Variants in PCTP observed in about 807,000 individuals in gnomAD.
The protein encoded by PCTP is phosphatidylcholine transfer protein.
Under a neutral mutation model 31.0 loss-of-function variants are expected in PCTP, and 27 were observed. The ratio of observed to expected loss-of-function variants is 0.87; its 90% CI spans 0.64 to 1.20. The LOEUF is 1.20. Among genes scored for constraint, PCTP ranks in the 50% most tolerant of loss-of-function variants. PCTP has a pLI of 0.00. For missense variants in PCTP, 287 were observed against 268.2 expected, an observed-to-expected ratio of 1.07 and a Z score of -0.49; for synonymous variants, 108 against 101.2, an observed-to-expected ratio of 1.07 and a Z score of -0.40.
At chr17:55,806,889 A>T (rs1050577618) in intron 3 of PCTP, among the ~76,000 whole-genome samples, 1 of 152,188 alleles carries the variant, frequency 6.6e-6, no homozygotes, top group Non-Finnish European at 1.5e-5. Context: ...TTCTCAATTG[A>T]GACCTGAGAA....
chr17:55,788,762 C>T (rs2145000464), intron 3 of PCTP, among the ~76,000 whole-genome samples: 1 of 152,296 alleles, frequency 6.6e-6, no homozygotes, highest in Middle Eastern at 3.4e-3. Context: ...TGAAATTTTT[C>T]ATGCTAAAAT....
intron 3 of PCTP, among the ~76,000 whole-genome samples, chr17:55,813,930 T>C (rs1382999183): frequency 6.6e-6 from 1 of 151,946 alleles, no homozygotes; most frequent in Non-Finnish European, 1.5e-5. Context: ...TGGTTCCAGC[T>C]ACTCAAGTGG....
chr17:55,839,119 T>A (rs1369577515), intron 5 of PCTP, among the ~76,000 whole-genome samples: 2 of 152,260 alleles, frequency 1.3e-5, no homozygotes, highest in South Asian at 4.1e-4. Flanking sequence ...TATTATCATA[T>A]GTCATTTTAA....
downstream of PCTP, among the ~76,000 whole-genome samples, chr17:55,823,743 G>A (rs1365918526): frequency 6.6e-6 from 1 of 152,214 alleles, no homozygotes; most frequent in Non-Finnish European, 1.5e-5. Flanking sequence ...TGTGGCAACT[G>A]TTTTGGACAT....
downstream of PCTP, among the ~76,000 whole-genome samples, chr17:55,844,985 G>A (rs1384778914): frequency 6.7e-6 from 1 of 149,796 alleles, no homozygotes; most frequent in Non-Finnish European, 1.5e-5. Flanking sequence ...TACTCGGGAG[G>A]CTGAGGCAGG....
intron 5 of PCTP, among the ~76,000 whole-genome samples, chr17:55,841,139 G>T (rs1037565709): frequency 3.9e-5 from 6 of 152,220 alleles, no homozygotes; most frequent in African/African-American, 1.4e-4. Context: ...GACACAGAAA[G>T]ACTTGAAATC....
chr17:55,827,886 G>A (rs1355698317), downstream of PCTP, among the ~76,000 whole-genome samples: 2 of 152,174 alleles, frequency 1.3e-5, no homozygotes, highest in African/African-American at 4.8e-5. Flanking sequence ...CCTCCCTGAC[G>A]AGAAGCTTAT....
intron 3 of PCTP, among the ~76,000 whole-genome samples, chr17:55,773,276 G>C (rs950914794): frequency 6.6e-6 from 1 of 152,132 alleles, no homozygotes; most frequent in African/African-American, 2.4e-5. Context: ...ATTGTCTGTC[G>C]AGTGCTTACT....
chr17:55,827,026 G>A (rs1269493700), downstream of PCTP, among the ~76,000 whole-genome samples: 2 of 133,590 alleles, frequency 1.5e-5, no homozygotes, highest in Admixed American at 7.5e-5. Context: ...GATACCTACT[G>A]TGGTAAACAG....
intron 3 of PCTP, among the ~76,000 whole-genome samples, chr17:55,807,100 A>G (rs1367057198): frequency 6.6e-6 from 1 of 152,210 alleles, no homozygotes; most frequent in African/African-American, 2.4e-5. Flanking sequence ...TCTGATTTCC[A>G]GAATTCTCCT....
chr17:55,847,775 AGCCTTTTTGTTCTGTTCAG>A (rs1238023553), downstream of PCTP, among the ~76,000 whole-genome samples: 1 of 152,216 alleles, frequency 6.6e-6, no homozygotes, highest in Non-Finnish European at 1.5e-5. Context: ...AGGGGGGGTC[AGCCTTTTTGTTCTGTTCAG>A]GTCTTCACCT....
At chr17:55,841,084 T>G (rs1486659408) in intron 5 of PCTP, among the ~76,000 whole-genome samples, 8 of 152,218 alleles carry the variant, frequency 5.3e-5, no homozygotes, top group Non-Finnish European at 1.0e-4. Context: ...CGTATGTGTA[T>G]GTGTGTTTGC....
intron 1 of PCTP, among the ~76,000 whole-genome samples, chr17:55,765,294 T>A (rs1266838636): frequency 6.6e-6 from 1 of 152,208 alleles, no homozygotes; most frequent in Non-Finnish European, 1.5e-5. Context: ...CTTACTTGGA[T>A]GCTTAATAAA....
intron 2 of PCTP, 158 bp from the exon 3 acceptor site, chr17:55,770,948 G>A (rs980288542): frequency 1.0e-5 from 6 of 587,852 alleles, no homozygotes; most frequent in African/African-American, 9.4e-5. Flanking sequence ...TCCCAGGCTG[G>A]TCTTGAACTC....
At chr17:55,772,817 T>G (rs2960064) in intron 3 of PCTP, among the ~76,000 whole-genome samples, 124,173 of 152,050 alleles carry the variant, frequency 0.82, 54,405 homozygotes, top group Non-Finnish European at 0.97. Context: ...TAAAAATTCA[T>G]GTTTCATCAC....
downstream of PCTP, among the ~76,000 whole-genome samples, chr17:55,843,982 G>A (rs1418229622): frequency 6.6e-6 from 1 of 152,098 alleles, no homozygotes; most frequent in East Asian, 1.9e-4. Context: ...AATTTTCCAA[G>A]GTCAGCAGTT....
chr17:55,844,731 C>T (rs149761991), downstream of PCTP, among the ~76,000 whole-genome samples: 170 of 152,176 alleles, frequency 1.1e-3, no homozygotes, highest in African/African-American at 3.8e-3. Context: ...AAGTCTCTGT[C>T]CTTGTCCTCT....
downstream of PCTP, among the ~76,000 whole-genome samples, chr17:55,826,399 C>A (rs1248268975): frequency 6.6e-6 from 1 of 151,898 alleles, no homozygotes; most frequent in East Asian, 1.9e-4. Flanking sequence ...TAATTTCATC[C>A]CCTTCCCTCA....
rs374012146 is a variant in PCTP, at chr17:55,816,047, C to T, written c.318-6714C>T. On this transcript the variant is annotated intron_variant, in intron 3 of 3. Transcript: ENST00000572536. ...ACCTGAAATTACTAACATTTCCTCT[C>T]TTCATGAGGACAAGGTTCTTCTTCT... Among the ~76,000 whole-genome samples the T allele has an allele frequency of 3.9e-5, 6 of 152,178 alleles. No homozygotes were observed. In the East Asian group the frequency reaches 5.8e-4, roughly 15 times the overall value.
Sources: allele counts gnomAD v4.1 joint callset (sites outside exome capture counted in the v4.1 genomes callset), GRCh38; gene constraint gnomAD v4.1.1; transcripts MANE v1.5; gene names NCBI Gene and HGNC (gene_info 2026-07-23, HGNC 2026-07-21).